The following RBFOX3 variants were observed in gnomAD, a reference collection of about 807,000 sequenced individuals.
The protein encoded by RBFOX3 is RNA binding protein fox-1 homolog 3.
A neutral mutation model predicts 48.7 loss-of-function variants in RBFOX3; 17 were observed. The observed-to-expected ratio is 0.35, with a 90% confidence interval of 0.24 to 0.52. The LOEUF (loss-of-function observed/expected upper bound fraction) is 0.52. Among genes scored for constraint, RBFOX3 ranks in the 20% least tolerant of loss-of-function variants. RBFOX3 has a pLI of 0.94. For missense variants in RBFOX3, 382 were observed against 497.5 expected (o/e 0.77, Z 2.21); for synonymous variants, 212 against 209.5 (o/e 1.01, Z -0.10).
At chr17:79,126,910 C>T (rs1433259962) in intron 4 of RBFOX3, among the ~76,000 whole-genome samples, 4 of 152,220 alleles carry the variant, frequency 2.6e-5, no homozygotes, top group African/African-American at 2.4e-5. Flanking sequence ...CACCCGGCAC[C>T]GGGCTTTGCA....
chr17:79,522,246 T>C (rs2086210653), intron 1 of RBFOX3, among the ~76,000 whole-genome samples: 1 of 152,206 alleles, frequency 6.6e-6, no homozygotes, highest in African/African-American at 2.4e-5. Flanking sequence ...CCTGCCATTA[T>C]TTTTCTAGAA....
chr17:79,332,491 G>T (rs1280293832), intron 2 of RBFOX3, among the ~76,000 whole-genome samples: 3 of 148,444 alleles, frequency 2.0e-5, no homozygotes, highest in African/African-American at 7.3e-5. Context: ...AGAGATGAGA[G>T]ACGGGGTGCA....
At chr17:79,266,744 T>A (rs373101585) in intron 3 of RBFOX3, among the ~76,000 whole-genome samples, 26 of 152,194 alleles carry the variant, frequency 1.7e-4, no homozygotes, top group African/African-American at 6.3e-4. Context: ...CAATCAGGTG[T>A]CCAGTAATGT....
intron 4 of RBFOX3, among the ~76,000 whole-genome samples, chr17:79,164,638 G>T (rs2047634572): frequency 6.6e-6 from 1 of 152,360 alleles, no homozygotes; most frequent in African/African-American, 2.4e-5. Context: ...AAACAAAAGT[G>T]CACGCATTCC....
intron 3 of RBFOX3, among the ~76,000 whole-genome samples, chr17:79,244,696 G>GCCTTC (rs140890605): frequency 6.7e-6 from 1 of 148,358 alleles, no homozygotes; most frequent in African/African-American, 2.5e-5. Flanking sequence ...CCCTCCTAGA[G>GCCTTC]CCTTCCCTTC....
chr17:79,476,624 G>T (rs964715001), intron 2 of RBFOX3, among the ~76,000 whole-genome samples: 1 of 152,174 alleles, frequency 6.6e-6, no homozygotes, highest in Non-Finnish European at 1.5e-5. Flanking sequence ...AGGGGATAAG[G>T]CATCTCTGAT....
rs968396327 is a variant in RBFOX3, at chr17:79,496,118, T to C, written c.-319-13520A>G. Reference sequence around the variant, plus strand: ...GGAGCAAAATGGAGAGAGTCAGAGTTGGGGACTGAGAGTCCCCCTCTCGGG... The same window carrying C: ...GGAGCAAAATGGAGAGAGTCAGAGTCGGGGACTGAGAGTCCCCCTCTCGGG... On this transcript the variant is annotated intron_variant, in intron 1 of 14. Transcript: ENST00000693108. Among the ~76,000 whole-genome samples the C allele has an allele frequency of 5.9e-5, 9 of 152,126 alleles. No individual in the cohort carries two copies. In the East Asian group the frequency reaches 1.7e-3, roughly 29 times the overall value.
chr17:79,512,439 C>T (rs1257970730), intron 1 of RBFOX3, among the ~76,000 whole-genome samples: 4 of 130,558 alleles, frequency 3.1e-5, no homozygotes, highest in African/African-American at 8.9e-5. Flanking sequence ...ATGTTACCAT[C>T]GAGTACAGTC....
At chr17:79,288,703 T>C (rs894871635) in intron 3 of RBFOX3, among the ~76,000 whole-genome samples, 1 of 152,114 alleles carries the variant, frequency 6.6e-6, no homozygotes, top group East Asian at 1.9e-4. Flanking sequence ...AGTTCACTGG[T>C]CTTCTCACCC....
chr17:79,566,524 A>ACAGCAGATCCTAAAGCCAAACCG (rs1251378983), intron 1 of RBFOX3, among the ~76,000 whole-genome samples: 2 of 152,204 alleles, frequency 1.3e-5, no homozygotes, highest in African/African-American at 2.4e-5. Context: ...GCTGAGGTCC[A>ACAGCAGATCCTAAAGCCAAACCG]CAGCAGATCC....
chr17:79,404,710 T>C (rs1293805834), intron 2 of RBFOX3, among the ~76,000 whole-genome samples: 1 of 151,988 alleles, frequency 6.6e-6, no homozygotes, highest in Non-Finnish European at 1.5e-5. Context: ...TCTCACAGCC[T>C]CCCTCCCCCA....
chr17:79,127,623 G>A (rs2037652457), intron 4 of RBFOX3, among the ~76,000 whole-genome samples: 1 of 152,180 alleles, frequency 6.6e-6, no homozygotes. Context: ...AGGTGCCCCC[G>A]ACCGGCGCCC....
At chr17:79,409,983 T>G (rs1239582899) in intron 2 of RBFOX3, among the ~76,000 whole-genome samples, 1 of 152,252 alleles carries the variant, frequency 6.6e-6, no homozygotes, top group Admixed American at 6.5e-5. Flanking sequence ...GTATTTGGAA[T>G]GCAGACAATG....
chr17:79,225,340 G>A (rs1338269148), intron 4 of RBFOX3, among the ~76,000 whole-genome samples: 3 of 147,656 alleles, frequency 2.0e-5, no homozygotes, highest in Admixed American at 6.8e-5. Flanking sequence ...GCTCAGGCTG[G>A]AATGCAGTGG....
At chr17:79,640,824 C>T in the RBFOX3 span, among the ~76,000 whole-genome samples, 1 of 152,030 alleles carries the variant, frequency 6.6e-6, no homozygotes, top group Non-Finnish European at 1.5e-5. Flanking sequence ...TAAAGACATA[C>T]ATGTAAGACC....
At chr17:79,287,553 C>A (rs984622344) in intron 3 of RBFOX3, among the ~76,000 whole-genome samples, 1 of 152,208 alleles carries the variant, frequency 6.6e-6, no homozygotes, top group Non-Finnish European at 1.5e-5. Context: ...ATTCTCCAAC[C>A]AGTGCTCTGG....
rs1048286193 is a variant in RBFOX3, at chr17:79,420,454, G to A, written c.-175+62000C>T. 5.3e-5 allele frequency among the ~76,000 whole-genome samples: 8 copies of A among 152,280 alleles called. No individual in the cohort carries two copies. In the South Asian group the frequency reaches 8.3e-4, roughly 16 times the overall value. Reference sequence around the variant, plus strand: ...GTCAGCGGCCCCAGGGCTGCTGGGCGGAGTCCTCTGCCAGCCAGCCTGCTA... The same window carrying A: ...GTCAGCGGCCCCAGGGCTGCTGGGCAGAGTCCTCTGCCAGCCAGCCTGCTA... On this transcript the variant is annotated intron_variant, in intron 2 of 14. Coordinates refer to ENST00000693108, the MANE Select transcript of RBFOX3 (RefSeq NM_001350451.2).
the RBFOX3 span, among the ~76,000 whole-genome samples, chr17:79,637,559 G>A: frequency 6.6e-6 from 1 of 151,770 alleles, no homozygotes; most frequent in African/African-American, 2.4e-5. Flanking sequence ...GCCTGGCGTG[G>A]TGGCACACAC....
Position 79,481,153 on chromosome 17 carries a change from T to C in RBFOX3, c.-175+1301A>G, listed in dbSNP as rs934334595. On this transcript the variant is annotated intron_variant, in intron 2 of 14. Coordinates refer to ENST00000693108, the MANE Select transcript of RBFOX3 (RefSeq NM_001350451.2). The surrounding 1 kb of genome is among the most constrained non-coding windows in gnomAD (Gnocchi z 5.4). The stretch of plus-strand genomic sequence containing the variant: ...TTCTGCAAACTCTGGAAAGAGCATC[T>C]TTTGATGGGTATTGGAGAGACCAGC... Among the ~76,000 whole-genome samples, 4 of 152,128 alleles carry C rather than the reference T, an allele frequency of 2.6e-5. No individual in the cohort carries two copies. The highest frequency in any genetic ancestry group is 5.9e-5 in the Non-Finnish European group (4 of 68,016).
Sources: gnomAD v4.1 joint callset for allele counts (sites outside exome capture counted in the v4.1 genomes callset) on GRCh38, gnomAD v4.1.1 for gene constraint, Gnocchi (gnomAD v3.1) non-coding constraint, MANE v1.5 for transcripts, NCBI Gene and HGNC (gene_info 2026-07-23, HGNC 2026-07-21) for gene names.